The following ICA1 variants were observed in gnomAD, a reference collection of about 807,000 sequenced individuals.
ICA1 encodes islet cell autoantigen 1.
A neutral mutation model predicts 71.0 loss-of-function variants in ICA1; 40 were observed. The observed-to-expected ratio is 0.56, with a 90% CI of 0.44 to 0.73. ICA1 has a LOEUF of 0.73. Ranked by LOEUF, ICA1 falls within the 30% of genes least tolerant of loss-of-function variation. ICA1 has a pLI of 0.00. For synonymous variants in ICA1, 207 were observed against 209.5 expected (o/e 0.99, Z 0.10); for missense variants, 578 against 576.5 (o/e 1.00, Z -0.03).
intron 6 of ICA1, among the ~76,000 whole-genome samples, chr7:8,161,646 CAT>C (rs1322517063): frequency 6.6e-6 from 1 of 152,104 alleles, no homozygotes; most frequent in Non-Finnish European, 1.5e-5. Flanking sequence ...GGGTGAGAAA[CAT>C]ATGCATGCAA....
At chr7:8,139,957 G>T (rs940331678) in intron 10 of ICA1, among the ~76,000 whole-genome samples, 1 of 152,120 alleles carries the variant, frequency 6.6e-6, no homozygotes, top group Non-Finnish European at 1.5e-5. Flanking sequence ...CATTATAATG[G>T]ATTTTATTCT....
At chr7:8,129,241 C>CA (rs1475095100) in intron 12 of ICA1, among the ~76,000 whole-genome samples, 1 of 151,704 alleles carries the variant, frequency 6.6e-6, no homozygotes, top group African/African-American at 2.4e-5. Context: ...GTTGTTAATT[C>CA]ACAAAGAGAA....
intron 13 of ICA1, among the ~76,000 whole-genome samples, chr7:8,121,955 G>A (rs748364154): frequency 2.0e-5 from 3 of 152,216 alleles, no homozygotes; most frequent in Non-Finnish European, 4.4e-5. Flanking sequence ...GGGGAGAGGA[G>A]TGATTAAGTA....
At chr7:8,139,114 C>A in intron 10 of ICA1, 67 bp from the exon 11 acceptor site, 1 of 1,261,742 alleles carries the variant, frequency 7.9e-7, no homozygotes, top group Non-Finnish European at 1.2e-6. Context: ...TACGCTATTG[C>A]AGTGTAAGGT....
chr7:8,161,789 G>C (rs1584750310), intron 6 of ICA1, among the ~76,000 whole-genome samples: 2 of 152,182 alleles, frequency 1.3e-5, no homozygotes. Flanking sequence ...AGACACAAGT[G>C]AGCCCACAAA....
At chr7:8,211,987 C>A (rs955069814) in intron 6 of ICA1, among the ~76,000 whole-genome samples, 1 of 152,228 alleles carries the variant, frequency 6.6e-6, no homozygotes, top group South Asian at 2.1e-4. Context: ...GGTTACTGAC[C>A]CTTGCAAAAG....
intron 6 of ICA1, among the ~76,000 whole-genome samples, chr7:8,211,344 G>GC (rs1334136259): frequency 1.3e-5 from 2 of 152,062 alleles, no homozygotes; most frequent in African/African-American, 4.8e-5. Context: ...AAAACTCACT[G>GC]CCCCCCGGTG....
At chr7:8,215,198 C>T (rs1337266677) in intron 6 of ICA1, among the ~76,000 whole-genome samples, 1 of 152,170 alleles carries the variant, frequency 6.6e-6, no homozygotes, top group Non-Finnish European at 1.5e-5. Flanking sequence ...AGTCCTGTCT[C>T]CCTTTCTAAC....
At chr7:8,134,680 G>A (rs955362877) in intron 12 of ICA1, among the ~76,000 whole-genome samples, 4 of 152,068 alleles carry the variant, frequency 2.6e-5, no homozygotes, top group South Asian at 4.2e-4. Flanking sequence ...AACACCTTAC[G>A]AAAATGGCTA....
At chr7:8,149,946 C>T (rs765695505) in intron 8 of ICA1, among the ~76,000 whole-genome samples, 25 of 152,204 alleles carry the variant, frequency 1.6e-4, no homozygotes, top group Non-Finnish European at 3.5e-4. Flanking sequence ...CACATACGTA[C>T]TCTCTTGCTC....
intron 6 of ICA1, among the ~76,000 whole-genome samples, chr7:8,166,298 G>A (rs368458123): frequency 1.6e-4 from 24 of 152,194 alleles, no homozygotes; most frequent in South Asian, 1.0e-3. Context: ...AAACAGACAC[G>A]TAGACCAGTG....
chr7:8,191,255 C>T (rs545375934), intron 6 of ICA1, among the ~76,000 whole-genome samples: 3 of 152,312 alleles, frequency 2.0e-5, no homozygotes, highest in Admixed American at 2.0e-4. Context: ...CTAATTATAT[C>T]ACAATAGCTA....
At chr7:8,115,601 T>C (rs960449290) in intron 13 of ICA1, among the ~76,000 whole-genome samples, 9 of 152,152 alleles carry the variant, frequency 5.9e-5, no homozygotes, top group African/African-American at 2.2e-4. Context: ...GCAGCCACTG[T>C]TGGAGACAAA....
intron 8 of ICA1, among the ~76,000 whole-genome samples, chr7:8,147,687 A>AACAC (rs71014764): frequency 0.041 from 5,994 of 145,352 alleles, 130 homozygotes; most frequent in African/African-American, 0.052. Flanking sequence ...AGCCAAGGGG[A>AACAC]ACACACACAC....
At chr7:8,252,725 A>G (rs1006640820) in intron 1 of ICA1, among the ~76,000 whole-genome samples, 1 of 150,994 alleles carries the variant, frequency 6.6e-6, no homozygotes, top group African/African-American at 2.4e-5. Flanking sequence ...TTTATATATT[A>G]CATATTTACA....
intron 13 of ICA1, among the ~76,000 whole-genome samples, chr7:8,127,144 CTAAGTT>C (rs1431033845): frequency 1.4e-5 from 2 of 143,236 alleles, no homozygotes; most frequent in African/African-American, 2.7e-5. Context: ...TCATGCCTAC[CTAAGTT>C]TTTTTTTTTT....
intron 6 of ICA1, among the ~76,000 whole-genome samples, chr7:8,214,230 T>C (rs574270502): frequency 5.9e-5 from 9 of 152,332 alleles, no homozygotes; most frequent in Admixed American, 3.9e-4. Flanking sequence ...AGACACTTAA[T>C]TGACCACAGG....
Position 8,218,600 on chromosome 7 carries a change from G to T in ICA1, c.381-97C>A, listed in dbSNP as rs1203499888. 3 of 928,752 alleles carry T rather than the reference G, an allele frequency of 3.2e-6. No individual in the cohort carries two copies. In the African/African-American group the frequency reaches 4.9e-5, roughly 15 times the overall value. The allele number at this position is 928,752 out of a possible 1,614,324, so 57.5% of individuals were successfully genotyped here. ...ATCTTAGACTCGTGAGTCTAGAACA[G>T]TACCTGGAATGTAGAAGATGCTCCA... On this transcript the variant is annotated intron_variant, in intron 5 of 13. Coordinates refer to ENST00000402384, the MANE Select transcript of ICA1 (RefSeq NM_001136020.3).
chr7:8,151,995 C>T (rs1798961331), intron 8 of ICA1, among the ~76,000 whole-genome samples: 1 of 152,276 alleles, frequency 6.6e-6, no homozygotes, highest in East Asian at 1.9e-4. Context: ...AGTTGTAAAG[C>T]CAAATTGCAT....
Sources: gnomAD v4.1 joint callset for allele counts (sites outside exome capture counted in the v4.1 genomes callset) on GRCh38, gnomAD v4.1.1 for gene constraint, MANE v1.5 for transcripts, NCBI Gene and HGNC (gene_info 2026-07-23, HGNC 2026-07-21) for gene names.